Variants in HHAT observed in about 807,000 individuals in gnomAD.
The protein encoded by HHAT is protein-cysteine N-palmitoyltransferase HHAT.
A neutral mutation model predicts 70.8 loss-of-function variants in HHAT; 47 were observed. That is an observed-to-expected ratio of 0.66 (90% CI 0.53 to 0.85). The LOEUF (loss-of-function observed/expected upper bound fraction) is 0.85, where lower values mean the gene tolerates loss of function less well. Ranked by LOEUF, HHAT falls within the 40% of genes least tolerant of loss-of-function variation. The probability of loss-of-function intolerance (pLI) is 0.00; values close to 1 mark genes in which losing one functional copy is unlikely to be tolerated. For missense variants in HHAT, 609 were observed against 604.8 expected (o/e 1.01, Z -0.07); for synonymous variants, 228 against 247.6 (o/e 0.92, Z 0.74).
intron 8 of HHAT, among the ~76,000 whole-genome samples, chr1:210,508,980 G>A (rs190391568): frequency 3.1e-4 from 47 of 152,272 alleles, no homozygotes; most frequent in African/African-American, 9.9e-4. Flanking sequence ...AGATTAGGTT[G>A]TGGACATGAA....
intron 8 of HHAT, among the ~76,000 whole-genome samples, chr1:210,503,365 C>A (rs1235568697): frequency 6.6e-6 from 1 of 152,210 alleles, no homozygotes; most frequent in East Asian, 1.9e-4. Context: ...GAGGTAAGTC[C>A]CCAAAGGAAG....
intron 8 of HHAT, among the ~76,000 whole-genome samples, chr1:210,496,857 A>G (rs2094653681): frequency 6.6e-6 from 1 of 152,208 alleles, no homozygotes; most frequent in Admixed American, 6.5e-5. Context: ...TTGAGCCTGT[A>G]CTAATGTCCT....
intron 9 of HHAT, among the ~76,000 whole-genome samples, chr1:210,540,032 G>A (rs1167229466): frequency 6.6e-6 from 1 of 152,084 alleles, no homozygotes; most frequent in Non-Finnish European, 1.5e-5. Context: ...TTGCTCTGTG[G>A]GACTCTCAGT....
At chr1:210,622,639 A>C (rs751482891) in intron 10 of HHAT, among the ~76,000 whole-genome samples, 1 of 152,182 alleles carries the variant, frequency 6.6e-6, no homozygotes, top group Non-Finnish European at 1.5e-5. Context: ...ACGCCGATAC[A>C]CTTCATCCTC....
At chr1:210,502,011 C>T (rs112683791) in intron 8 of HHAT, among the ~76,000 whole-genome samples, 1,629 of 118,260 alleles carry the variant, frequency 0.014, 29 homozygotes, top group African/African-American at 0.044. Context: ...TTTAGGTCTC[C>T]TCTATTCTTC....
intron 3 of HHAT, among the ~76,000 whole-genome samples, chr1:210,386,440 G>A (rs1458949631): frequency 2.0e-5 from 3 of 150,590 alleles, no homozygotes; most frequent in African/African-American, 4.9e-5. Flanking sequence ...GGGTTTCACC[G>A]TTTTAGCCGG....
chr1:210,515,295 A>G (rs1414514412), intron 9 of HHAT, among the ~76,000 whole-genome samples: 1 of 152,192 alleles, frequency 6.6e-6, no homozygotes, highest in East Asian at 1.9e-4. Context: ...CCCAACAAGC[A>G]AACAACTTAA....
intron 11 of HHAT, among the ~76,000 whole-genome samples, chr1:210,634,294 C>G (rs945339047): frequency 3.3e-5 from 5 of 152,112 alleles, no homozygotes; most frequent in Non-Finnish European, 7.3e-5. Flanking sequence ...CTGTTGATGA[C>G]AAGGGAATGT....
rs1216698208 is a variant in HHAT at position 210,390,486 on chromosome 1, G to GA, written c.273+2905_273+2906insA. ...AAAGTGATCATAAACATAAAGATAG[G>GA]TCTATTATTGTAGGGAGAGATTTTT... is the stretch of plus-strand genomic sequence containing the variant. On this transcript the variant is annotated intron_variant, in intron 4 of 11. Coordinates refer to ENST00000261458, the MANE Select transcript of HHAT (RefSeq NM_018194.6). 2.8e-3 allele frequency among the ~76,000 whole-genome samples: 315 copies of GA among 113,074 alleles called. 1 individual carries two copies. The highest frequency in any genetic ancestry group is 0.011 in the African/African-American group (297 of 27,990). 74.2% of individuals were successfully genotyped at this position (113,074 alleles called of 152,430 possible). A position where few individuals can be genotyped will look rare whatever the true frequency, so the allele number is the denominator to read the frequency against.
intron 3 of HHAT, among the ~76,000 whole-genome samples, chr1:210,375,008 G>C (rs2090071117): frequency 6.6e-6 from 1 of 152,180 alleles, no homozygotes; most frequent in Admixed American, 6.5e-5. Flanking sequence ...CTCCCCAGTG[G>C]GGAATCTTCC....
chr1:210,515,930 C>T (rs554158965), intron 9 of HHAT, among the ~76,000 whole-genome samples: 24 of 151,982 alleles, frequency 1.6e-4, no homozygotes, highest in Middle Eastern at 3.4e-3. Context: ...ATTAGCCAGG[C>T]GTGGTGACAC....
intron 6 of HHAT, among the ~76,000 whole-genome samples, chr1:210,410,508 GTTGT>G (rs138963985): frequency 0.12 from 16,751 of 137,584 alleles, 1,246 homozygotes; most frequent in East Asian, 0.25. Flanking sequence ...CTTTTGCTGT[GTTGT>G]TTATTTGTAA....
chr1:210,410,175 C>A (rs974115872), intron 6 of HHAT, among the ~76,000 whole-genome samples: 12 of 151,938 alleles, frequency 7.9e-5, no homozygotes, highest in African/African-American at 2.7e-4. Context: ...GCCTCAGCCT[C>A]CCGAGTAGCT....
chr1:210,329,416 G>T, intron 1 of HHAT: 1 of 1,112,934 alleles, frequency 9.0e-7, no homozygotes, highest in Non-Finnish European at 1.1e-6. Flanking sequence ...GGGGAGTTGC[G>T]AACTCTGGTC....
At chr1:210,557,168 A>G (rs1029507134) in intron 9 of HHAT, among the ~76,000 whole-genome samples, 2 of 152,240 alleles carry the variant, frequency 1.3e-5, no homozygotes, top group Non-Finnish European at 2.9e-5. Context: ...AACTTTGAGC[A>G]ATGAATGAAA....
At chr1:210,601,655 T>A (rs1165937647) in intron 10 of HHAT, among the ~76,000 whole-genome samples, 2 of 152,092 alleles carry the variant, frequency 1.3e-5, no homozygotes, top group Non-Finnish European at 2.9e-5. Context: ...GAATAAGACA[T>A]GATCCCTGCC....
chr1:210,498,599 G>A (rs2094694051), intron 8 of HHAT, among the ~76,000 whole-genome samples: 1 of 152,170 alleles, frequency 6.6e-6, no homozygotes, highest in African/African-American at 2.4e-5. Context: ...TGTCCAGAAT[G>A]CTGTCTGAGC....
chr1:210,430,363 T>G (rs1313061846), intron 7 of HHAT, among the ~76,000 whole-genome samples: 1 of 151,850 alleles, frequency 6.6e-6, no homozygotes, highest in Non-Finnish European at 1.5e-5. Context: ...AGTCTGTCCA[T>G]TACTACAGGG....
At chr1:210,484,235 C>T (rs758266655) in intron 8 of HHAT, among the ~76,000 whole-genome samples, 18 of 152,214 alleles carry the variant, frequency 1.2e-4, no homozygotes, top group Admixed American at 3.9e-4. Context: ...GGAAAATGTC[C>T]GTAGCCTTTT....
Sources: gnomAD v4.1 joint callset for allele counts (sites outside exome capture counted in the v4.1 genomes callset) on GRCh38, gnomAD v4.1.1 for gene constraint, MANE v1.5 for transcripts, NCBI Gene and HGNC (gene_info 2026-07-23, HGNC 2026-07-21) for gene names.